Variants in AAK1 observed in about 807,000 individuals in gnomAD.
The protein encoded by AAK1 is AP2 associated kinase 1.
AAK1 carries 37 observed loss-of-function variants against 116.0 expected under a neutral mutation model. The observed-to-expected ratio is 0.32, with a 90% CI of 0.25 to 0.42. The LOEUF (loss-of-function observed/expected upper bound fraction) is 0.42. Ranked by LOEUF, AAK1 falls within the 10% of genes least tolerant of loss-of-function variation. AAK1 has a pLI of 1.00. For missense variants in AAK1, 919 were observed against 1,170.6 expected, an observed-to-expected ratio of 0.79 and a Z score of 3.14; for synonymous variants, 458 against 439.9, an observed-to-expected ratio of 1.04 and a Z score of -0.51.
chr2:69,532,898 C>T (rs1242039651), intron 5 of AAK1, among the ~76,000 whole-genome samples: 5 of 152,006 alleles, frequency 3.3e-5, no homozygotes, highest in Non-Finnish European at 7.4e-5. Flanking sequence ...CTTATAAAGC[C>T]CCAAATCTAG....
Position 69,468,887 on chromosome 2 carries a change from C to G in AAK1, c.*6982G>C, listed in dbSNP as rs929372297. 9 of 985,250 alleles carry G rather than the reference C, an allele frequency of 9.1e-6. No homozygotes were observed. The African/African-American group carries it at 1.6e-4, about 17-fold the overall frequency. 61.0% of individuals were successfully genotyped at this position (985,250 alleles called of 1,614,324 possible). A position where few individuals can be genotyped will look rare whatever the true frequency, so the allele number is the denominator to read the frequency against. On this transcript the variant is annotated 3_prime_UTR_variant, in exon 22 of 22. Transcript: ENST00000409085. ...TTTGGTCGAGAACCCATTTGGAAAA[C>G]CTTCCAACTCAGAGCATATTCTATG...
chr2:69,469,414 G>C lies in AAK1; in HGVS notation c.*6455C>G. 1.3e-5 allele frequency: 13 copies of C among 985,432 alleles called. No homozygotes were observed. The highest frequency in any genetic ancestry group is 1.6e-5 in the Non-Finnish European group (13 of 829,934). 61.0% of individuals were successfully genotyped at this position (985,432 alleles called of 1,614,324 possible). On this transcript the variant is annotated 3_prime_UTR_variant, in exon 22 of 22. Coordinates refer to ENST00000409085, the MANE Select transcript of AAK1 (RefSeq NM_014911.5). ...AGTCTTTTTTTGAGTATGTGAATGT[G>C]TTCTTACAGGGAAAATGTGTTTTCA... is the stretch of plus-strand genomic sequence containing the variant.
chr2:69,564,675 G>A (rs879725611), intron 2 of AAK1, among the ~76,000 whole-genome samples: 2 of 152,166 alleles, frequency 1.3e-5, no homozygotes, highest in African/African-American at 2.4e-5. Context: ...TCCTGGCTCA[G>A]GTAAGCTACA....
chr2:69,561,197 T>C (rs1371617847), intron 2 of AAK1, among the ~76,000 whole-genome samples: 1 of 152,216 alleles, frequency 6.6e-6, no homozygotes, highest in Non-Finnish European at 1.5e-5. Context: ...CTATGTCTGA[T>C]CTAGTCTAAC....
chr2:69,616,331 T>C (rs1024120816), intron 2 of AAK1, among the ~76,000 whole-genome samples: 21 of 152,192 alleles, frequency 1.4e-4, no homozygotes, highest in African/African-American at 4.8e-4. Context: ...GCCACTGAAC[T>C]GTTCACTTTA....
chr2:69,552,018 C>T (rs1164807248), intron 3 of AAK1, among the ~76,000 whole-genome samples: 1 of 152,190 alleles, frequency 6.6e-6, no homozygotes, highest in African/African-American at 2.4e-5. Context: ...GTTACATCTT[C>T]TGATTCCCTT....
chr2:69,476,069 AAAAAAAACC>A lies in AAK1; in HGVS notation c.2792-115_2792-107del, dbSNP rs1010697072. 5 of 1,476,172 alleles carry A rather than the reference AAAAAAAACC, an allele frequency of 3.4e-6. No individual in the cohort carries two copies. The African/African-American group carries it at 7.1e-5, about 21-fold the overall frequency. 91.4% of individuals were successfully genotyped at this position (1,476,172 alleles called of 1,614,324 possible). A position where few individuals can be genotyped will look rare whatever the true frequency, so the allele number is the denominator to read the frequency against. On this transcript the variant is annotated intron_variant, in intron 21 of 21. Transcript: ENST00000409085. The stretch of plus-strand genomic sequence containing the variant: ...CCAAACCAAAACCAAAACCAAAACA[AAAAAAAACC>A]AAAAAAACCAAACCCTAGAGAAGCA...
chr2:69,630,366 G>A (rs968556752), intron 2 of AAK1, among the ~76,000 whole-genome samples: 1 of 143,218 alleles, frequency 7.0e-6, no homozygotes, highest in African/African-American at 2.6e-5. Flanking sequence ...GGGAGAGGGA[G>A]GGGGAGGGAG....
intron 2 of AAK1, among the ~76,000 whole-genome samples, chr2:69,580,210 G>A (rs1393740265): frequency 2.0e-5 from 3 of 152,170 alleles, no homozygotes; most frequent in Admixed American, 6.5e-5. Flanking sequence ...TGTACTCTCA[G>A]AACAGAAACC....
Position 69,461,612 on chromosome 2 carries a change from GA to G in AAK1, c.*14256del. The G allele has an allele frequency of 3.9e-6, 1 of 254,810 alleles. No homozygotes were observed. Among genetic ancestry groups the G allele is most frequent in the South Asian group, 2.7e-5 (1 of 37,042 alleles). The allele number at this position is 254,810 out of a possible 1,614,324, so 15.8% of individuals were successfully genotyped here. ...CAGTGACAATTTTTTTTTTTTTTTT[GA>G]GGCGGAGTTTTGCTCTTCTCGCCCA... On this transcript the variant is annotated 3_prime_UTR_variant, in exon 22 of 22. Transcript: ENST00000409085.
rs147468453 is a variant in AAK1 at position 69,571,211 on chromosome 2, C to T, written c.164-14233G>A. On this transcript the variant is annotated intron_variant, in intron 2 of 21. Coordinates refer to ENST00000409085, the MANE Select transcript of AAK1 (RefSeq NM_014911.5). ...TGTATTATGTCAAGTGATCCTCTTT[C>T]CCTCCCACAGCTAACTGGACCAGGA... Among the ~76,000 whole-genome samples the T allele has an allele frequency of 8.5e-5, 13 of 152,362 alleles. No homozygotes were observed. In the East Asian group the frequency reaches 2.5e-3, roughly 29 times the overall value.
rs1671408668 is a variant in AAK1, at chr2:69,556,920, T to C, written c.222A>G (p.Lys74=). The change falls in exon 3 of 22, where the codon AAA becomes AAG. Residue 74 remains lysine (K), a synonymous_variant. Transcript: ENST00000409085. ...RTSNGMKCAL[K]RMFVNNEHDL... The stretch of plus-strand genomic sequence containing the variant: ...CATGCTCATTGTTGACAAACATGCG[T>C]TTCAAGGCACATTTCATCCCATTGC... 1.2e-6 allele frequency: 2 copies of C among 1,613,812 alleles called. No individual in the cohort carries two copies. Among genetic ancestry groups the C allele is most frequent in the Non-Finnish European group, 1.7e-6 (2 of 1,179,836 alleles).
At chr2:69,571,492 A>G (rs1672094113) in intron 2 of AAK1, among the ~76,000 whole-genome samples, 1 of 152,146 alleles carries the variant, frequency 6.6e-6, no homozygotes, top group African/African-American at 2.4e-5. Context: ...CTTTTTACTT[A>G]ATCTAATCTG....
intron 20 of AAK1, among the ~76,000 whole-genome samples, chr2:69,477,941 G>C (rs186040880): frequency 1.1e-4 from 17 of 152,280 alleles, no homozygotes; most frequent in African/African-American, 4.1e-4. Context: ...AGAAAGTTCA[G>C]TAACAAAGTA....
At chr2:69,497,264 G>A (rs1011605184) in intron 16 of AAK1, among the ~76,000 whole-genome samples, 1 of 146,902 alleles carries the variant, frequency 6.8e-6, no homozygotes, top group African/African-American at 2.6e-5. Flanking sequence ...TTACAGGCAT[G>A]CACCACCACA....
At chr2:69,532,718 C>T (rs1670307180) in intron 5 of AAK1, among the ~76,000 whole-genome samples, 1 of 152,166 alleles carries the variant, frequency 6.6e-6, no homozygotes, top group Admixed American at 6.5e-5. Context: ...AATGTCTTTA[C>T]TACACTAGGT....
intron 13 of AAK1, among the ~76,000 whole-genome samples, chr2:69,511,825 G>A (rs1222908389): frequency 6.6e-6 from 1 of 152,172 alleles, no homozygotes; most frequent in Non-Finnish European, 1.5e-5. Context: ...TCCAGATGCA[G>A]CACACTGAAG....
Position 69,471,641 on chromosome 2 carries a change from GAGA to G in AAK1, c.*4225_*4227del. 2 of 985,392 alleles carry G rather than the reference GAGA, an allele frequency of 2.0e-6. No individual in the cohort carries two copies. The highest frequency in any genetic ancestry group is 2.4e-6 in the Non-Finnish European group (2 of 829,894). 61.0% of individuals were successfully genotyped at this position (985,392 alleles called of 1,614,324 possible). ...TGGGAGCCTGATAATCTTGCAGACA[GAGA>G]AGGTTAAGGACTCTGGGAAATCACA... is the stretch of plus-strand genomic sequence containing the variant. On this transcript the variant is annotated 3_prime_UTR_variant, in exon 22 of 22. Coordinates refer to ENST00000409085, the MANE Select transcript of AAK1 (RefSeq NM_014911.5).
chr2:69,635,859 T>G (rs1376184472), intron 2 of AAK1, among the ~76,000 whole-genome samples: 2 of 152,228 alleles, frequency 1.3e-5, no homozygotes, highest in African/African-American at 2.4e-5. Context: ...TGGGAATGGA[T>G]GGTGGTGATG....
Sources: gnomAD v4.1 joint callset for allele counts (sites outside exome capture counted in the v4.1 genomes callset) on GRCh38, gnomAD v4.1.1 for gene constraint, MANE v1.5 for transcripts, NCBI Gene and HGNC (gene_info 2026-07-23, HGNC 2026-07-21) for gene names.